The following RBFOX1 variants were observed in gnomAD, a reference collection of about 807,000 sequenced individuals.
RBFOX1 encodes the protein RNA binding protein fox-1 homolog 1.
In RBFOX1, 8 loss-of-function variants were observed where a neutral mutation model predicts 57.7. That is an observed-to-expected ratio of 0.14 (90% CI 0.08 to 0.25). The LOEUF is 0.25. Ranked by LOEUF, RBFOX1 falls within the 10% of genes least tolerant of loss-of-function variation. RBFOX1 has a pLI of 1.00. For synonymous variants in RBFOX1, 326 were observed against 222.4 expected, an observed-to-expected ratio of 1.47 and a Z score of -4.15; for missense variants, 611 against 548.5, an observed-to-expected ratio of 1.11 and a Z score of -1.14.
At chr16:7,149,105 A>T (rs1055360526) in intron 4 of RBFOX1, among the ~76,000 whole-genome samples, 13 of 152,184 alleles carry the variant, frequency 8.5e-5, no homozygotes, top group African/African-American at 2.7e-4. Flanking sequence ...ACAGTCTTTG[A>T]AAACCCAGGT....
chr16:7,578,827 A>G (rs1055234099), intron 5 of RBFOX1, among the ~76,000 whole-genome samples: 7 of 152,184 alleles, frequency 4.6e-5, no homozygotes, highest in African/African-American at 9.7e-5. Context: ...TCTAGAACCG[A>G]GAGTATGGCA....
chr16:6,299,319 G>T (rs1307523599), intron 1 of RBFOX1, among the ~76,000 whole-genome samples: 1 of 152,168 alleles, frequency 6.6e-6, no homozygotes, highest in African/African-American at 2.4e-5. Context: ...TGACATCATT[G>T]TTAAATGGCT....
chr16:5,500,665 C>T (rs954951312), intron 2 of RBFOX1, among the ~76,000 whole-genome samples: 1 of 152,196 alleles, frequency 6.6e-6, no homozygotes, highest in African/African-American at 2.4e-5. Context: ...AGCCAGCAGC[C>T]TCAGTGTATG....
chr16:6,664,545 C>CT (rs2098720263), intron 3 of RBFOX1, among the ~76,000 whole-genome samples: 1 of 152,150 alleles, frequency 6.6e-6, no homozygotes, highest in South Asian at 2.1e-4. Context: ...TCATTGTGTC[C>CT]TTTTTCTCTG....
intron 2 of RBFOX1, among the ~76,000 whole-genome samples, chr16:6,587,954 G>A (rs2097653524): frequency 6.6e-6 from 1 of 152,148 alleles, no homozygotes; most frequent in South Asian, 2.1e-4. Context: ...TTTTTGCCTG[G>A]CACAGTGGCT....
At chr16:5,622,208 C>G (rs1034864734) in intron 3 of RBFOX1, among the ~76,000 whole-genome samples, 2 of 152,182 alleles carry the variant, frequency 1.3e-5, no homozygotes, top group Middle Eastern at 3.2e-3. Context: ...TTATCAAAAA[C>G]AGTGTTTTGA....
At chr16:7,197,070 A>G (rs963686005) in intron 4 of RBFOX1, among the ~76,000 whole-genome samples, 6 of 152,142 alleles carry the variant, frequency 3.9e-5, no homozygotes, top group African/African-American at 1.2e-4. Flanking sequence ...TGTGTGCTAG[A>G]CACCTGAACA....
At chr16:7,462,986 T>C (rs1016157011) in intron 4 of RBFOX1, among the ~76,000 whole-genome samples, 3 of 152,148 alleles carry the variant, frequency 2.0e-5, no homozygotes, top group Admixed American at 6.5e-5. Context: ...ATCTGCAAAG[T>C]CCTTGTCTTA....
At chr16:5,857,645 A>G (rs187950401) in intron 3 of RBFOX1, among the ~76,000 whole-genome samples, 37 of 152,098 alleles carry the variant, frequency 2.4e-4, no homozygotes, top group Admixed American at 1.2e-3. Flanking sequence ...GTTGTTACCT[A>G]TTTTTTCCAT....
At chr16:5,452,304 A>C (rs1193353958) in intron 1 of RBFOX1, among the ~76,000 whole-genome samples, 1 of 151,198 alleles carries the variant, frequency 6.6e-6, no homozygotes, top group East Asian at 2.0e-4. Flanking sequence ...TTTTTAGCAG[A>C]GATAAGGTTT....
chr16:6,470,654 A>C (rs995682876), intron 2 of RBFOX1, among the ~76,000 whole-genome samples: 2 of 152,208 alleles, frequency 1.3e-5, no homozygotes, highest in African/African-American at 4.8e-5. Context: ...GATGTGGTCA[A>C]AATGAGCCTC....
intron 2 of RBFOX1, among the ~76,000 whole-genome samples, chr16:6,403,391 T>A (rs2093154845): frequency 6.6e-6 from 1 of 152,104 alleles, no homozygotes; most frequent in Non-Finnish European, 1.5e-5. Context: ...AATAGAGGAT[T>A]CTACTCCCAT....
At chr16:5,427,987 C>G (rs114375483) in intron 1 of RBFOX1, among the ~76,000 whole-genome samples, 1,693 of 152,298 alleles carry the variant, frequency 0.011, 34 homozygotes, top group African/African-American at 0.038. Context: ...CTGCCATCCA[C>G]ACTGACATTG....
intron 1 of RBFOX1, among the ~76,000 whole-genome samples, chr16:5,428,542 G>C (rs1157712315): frequency 1.3e-5 from 2 of 152,178 alleles, no homozygotes; most frequent in African/African-American, 2.4e-5. Context: ...GATGCTTTCA[G>C]ATTGTCCTGA....
chr16:7,055,740 T>A (rs565742170), intron 4 of RBFOX1, among the ~76,000 whole-genome samples: 1 of 152,154 alleles, frequency 6.6e-6, no homozygotes, highest in South Asian at 2.1e-4. Context: ...TGCACAAAAG[T>A]AGGATTTACT....
chr16:6,507,549 G>C (rs1172197702), intron 2 of RBFOX1, among the ~76,000 whole-genome samples: 1 of 144,680 alleles, frequency 6.9e-6, no homozygotes, highest in East Asian at 2.0e-4. Flanking sequence ...GCACACACTT[G>C]TAGTTCCAGC....
chr16:6,848,739 A>G (rs1022800938), intron 3 of RBFOX1, among the ~76,000 whole-genome samples: 2 of 152,168 alleles, frequency 1.3e-5, no homozygotes, highest in Non-Finnish European at 2.9e-5. Context: ...GTTCAGTAAC[A>G]TATGACAAGT....
intron 3 of RBFOX1, among the ~76,000 whole-genome samples, chr16:5,699,009 A>G (rs2050939124): frequency 7.6e-6 from 1 of 131,392 alleles, no homozygotes; most frequent in Admixed American, 7.9e-5. Flanking sequence ...TTTTTTTGAG[A>G]CAGAGTCTTG....
chr16:5,565,571 G>A (rs2046036256), intron 2 of RBFOX1, among the ~76,000 whole-genome samples: 2 of 151,990 alleles, frequency 1.3e-5, no homozygotes, highest in African/African-American at 4.8e-5. Flanking sequence ...TTCGTGGTGA[G>A]CTGAGATCGT....
Sources: allele counts gnomAD v4.1 joint callset (sites outside exome capture counted in the v4.1 genomes callset), GRCh38; gene constraint gnomAD v4.1.1; transcripts MANE v1.5; gene names NCBI Gene and HGNC (gene_info 2026-07-23, HGNC 2026-07-21).